TAOK3: variants seen among roughly 807,000 people sequenced by gnomAD.
TAOK3 encodes the protein TAO kinase 3.
A neutral mutation model predicts 120.4 loss-of-function variants in TAOK3; 40 were observed. The observed-to-expected ratio is 0.33, with a 90% CI of 0.26 to 0.43. The LOEUF (loss-of-function observed/expected upper bound fraction) is 0.43, where lower values mean the gene tolerates loss of function less well. Among genes scored for constraint, TAOK3 ranks in the 20% least tolerant of loss-of-function variants. TAOK3 has a pLI of 1.00. For missense variants in TAOK3, 821 were observed against 1,112.1 expected, an observed-to-expected ratio of 0.74 and a Z score of 3.72; for synonymous variants, 355 against 387.5, an observed-to-expected ratio of 0.92 and a Z score of 0.99.
chr12:118,174,701 T>C (rs988531048), intron 16 of TAOK3, among the ~76,000 whole-genome samples: 31 of 152,260 alleles, frequency 2.0e-4, no homozygotes, highest in African/African-American at 7.5e-4. Flanking sequence ...CTTACTCTGT[T>C]GCCCAGGCTG....
chr12:118,273,474 G>T (rs367671998), intron 1 of TAOK3, among the ~76,000 whole-genome samples: 65 of 151,944 alleles, frequency 4.3e-4, no homozygotes, highest in African/African-American at 1.5e-3. Context: ...CTGCACTCCA[G>T]CCTGGGTGAC....
intron 1 of TAOK3, among the ~76,000 whole-genome samples, chr12:118,331,767 A>C (rs2044160233): frequency 6.6e-6 from 1 of 151,868 alleles, no homozygotes; most frequent in African/African-American, 2.4e-5. Context: ...AGTATTAATA[A>C]ATAAAAGCAT....
At chr12:118,227,894 C>CA (rs2039582937) in intron 9 of TAOK3, among the ~76,000 whole-genome samples, 1 of 152,058 alleles carries the variant, frequency 6.6e-6, no homozygotes, top group South Asian at 2.1e-4. Context: ...TTTGTTCCCC[C>CA]AAAGGAATAT....
chr12:118,329,870 A>G (rs1448839797), intron 1 of TAOK3, among the ~76,000 whole-genome samples: 3 of 152,220 alleles, frequency 2.0e-5, no homozygotes, highest in Non-Finnish European at 4.4e-5. Context: ...GGACTCAGAA[A>G]TGAAACTCTG....
chr12:118,156,254 G>C (rs1476050963), intron 19 of TAOK3, among the ~76,000 whole-genome samples: 1 of 152,076 alleles, frequency 6.6e-6, no homozygotes, highest in Non-Finnish European at 1.5e-5. Context: ...ACCCATGATA[G>C]CCTGGAAGTG....
intron 12 of TAOK3, chr12:118,199,477 G>C (rs1233643160): frequency 3.5e-6 from 2 of 570,526 alleles, no homozygotes; most frequent in Non-Finnish European, 6.3e-6. Context: ...CTGGACGTGG[G>C]TCATAAGGCT....
At chr12:118,324,518 A>T (rs2043848857) in intron 1 of TAOK3, among the ~76,000 whole-genome samples, 1 of 151,772 alleles carries the variant, frequency 6.6e-6, no homozygotes, top group Non-Finnish European at 1.5e-5. Flanking sequence ...TTAACCAACC[A>T]TGCCTTCTTC....
In TAOK3 at chr12:118,255,597, G is replaced by A. The variant is rs533949896; in HGVS notation, c.-30C>T. The A allele has an allele frequency of 2.5e-5, 39 of 1,577,402 alleles. 1 individual carries two copies. In the South Asian group the frequency reaches 3.7e-4, roughly 15 times the overall value. On this transcript the variant is annotated 5_prime_UTR_variant, in exon 3 of 21. Transcript: ENST00000392533. The stretch of plus-strand genomic sequence containing the variant: ...GCCAGTAGAGCAGGCTCTGCTTTTT[G>A]ATATCAGTTAGCTTTATTTCTCATT...
intron 11 of TAOK3, among the ~76,000 whole-genome samples, chr12:118,210,273 G>A (rs1241982463): frequency 2.6e-5 from 4 of 152,068 alleles, no homozygotes; most frequent in East Asian, 1.9e-4. Context: ...AAAGGAAAGC[G>A]CCGAAAGGTT....
At chr12:118,231,333 T>C (rs1593238581) in intron 9 of TAOK3, among the ~76,000 whole-genome samples, 1 of 151,888 alleles carries the variant, frequency 6.6e-6, no homozygotes, top group African/African-American at 2.4e-5. Flanking sequence ...TGCTACCTAA[T>C]TGAAAAAAAT....
chr12:118,174,780 C>T (rs1593037757), intron 16 of TAOK3, among the ~76,000 whole-genome samples: 2 of 152,192 alleles, frequency 1.3e-5, no homozygotes, highest in East Asian at 1.9e-4. Flanking sequence ...TGTCCTGCCT[C>T]AACCTCCTGA....
At chr12:118,159,015 A>T (rs913262112) in intron 19 of TAOK3, among the ~76,000 whole-genome samples, 8 of 152,288 alleles carry the variant, frequency 5.3e-5, no homozygotes, top group African/African-American at 1.9e-4. Flanking sequence ...TCCTTGGGAA[A>T]GCTTCACCGA....
intron 1 of TAOK3, among the ~76,000 whole-genome samples, chr12:118,335,069 C>A (rs981014411): frequency 6.6e-6 from 1 of 150,552 alleles, no homozygotes; most frequent in African/African-American, 2.4e-5. Flanking sequence ...CCTGTAATCC[C>A]GCTACTTGGC....
At chr12:118,171,331 A>G (rs1047835340) in intron 17 of TAOK3, among the ~76,000 whole-genome samples, 2 of 152,064 alleles carry the variant, frequency 1.3e-5, no homozygotes, top group Non-Finnish European at 2.9e-5. Flanking sequence ...CTATCTCTCT[A>G]TCATACTGAA....
chr12:118,199,885 AC>A (rs2037936746), intron 12 of TAOK3: 1 of 152,550 alleles, frequency 6.6e-6, no homozygotes, highest in African/African-American at 2.4e-5. Flanking sequence ...ATTCATCATT[AC>A]TGGCCCAAAG....
At chr12:118,216,311 G>A (rs965621002) in intron 9 of TAOK3, among the ~76,000 whole-genome samples, 1 of 152,068 alleles carries the variant, frequency 6.6e-6, no homozygotes, top group African/African-American at 2.4e-5. Flanking sequence ...CCTGGTAGAG[G>A]ATTTACTCCT....
chr12:118,327,125 A>T (rs1329456745), intron 1 of TAOK3, among the ~76,000 whole-genome samples: 1 of 152,216 alleles, frequency 6.6e-6, no homozygotes, highest in Admixed American at 6.5e-5. Flanking sequence ...GTGATAAAAA[A>T]TAAGCAAGGA....
chr12:118,306,457 G>C (rs2043056489), intron 1 of TAOK3, among the ~76,000 whole-genome samples: 1 of 151,924 alleles, frequency 6.6e-6, no homozygotes, highest in South Asian at 2.1e-4. Flanking sequence ...GGATTACAGG[G>C]GTGAGCCTCC....
At chr12:118,272,036 A>G (rs1171195715) in intron 1 of TAOK3, among the ~76,000 whole-genome samples, 2 of 152,248 alleles carry the variant, frequency 1.3e-5, no homozygotes, top group Non-Finnish European at 2.9e-5. Flanking sequence ...AGAGATGTGC[A>G]ATTGAAATAA....
Sources: gnomAD v4.1 joint callset for allele counts (sites outside exome capture counted in the v4.1 genomes callset) on GRCh38, gnomAD v4.1.1 for gene constraint, MANE v1.5 for transcripts, NCBI Gene and HGNC (gene_info 2026-07-23, HGNC 2026-07-21) for gene names.